Variants in DAAM1 observed in about 807,000 individuals in gnomAD.
DAAM1 encodes the protein dishevelled associated activator of morphogenesis 1.
Under a neutral mutation model 130.0 loss-of-function variants are expected in DAAM1, and 52 were observed. The observed-to-expected ratio is 0.40, with a 90% CI of 0.32 to 0.50. The LOEUF is 0.50. DAAM1 is among the 20% of genes least tolerant of loss of function. The pLI is 0.61. For missense variants in DAAM1, 1,134 were observed against 1,303.8 expected, an observed-to-expected ratio of 0.87 and a Z score of 2.01; for synonymous variants, 452 against 444.5, an observed-to-expected ratio of 1.02 and a Z score of -0.21.
intron 1 of DAAM1, among the ~76,000 whole-genome samples, chr14:59,250,309 C>G (rs919496081): frequency 6.6e-6 from 1 of 152,182 alleles, no homozygotes; most frequent in Non-Finnish European, 1.5e-5. Context: ...CATTCTTCCT[C>G]TCTGTATTTC....
At chr14:59,204,859 C>A (rs531711513) in intron 1 of DAAM1, among the ~76,000 whole-genome samples, 1 of 152,228 alleles carries the variant, frequency 6.6e-6, no homozygotes, top group African/African-American at 2.4e-5. Flanking sequence ...TGGCAAAAAC[C>A]TCTCTCTTAA....
chr14:59,200,827 A>G (rs1273148129), intron 1 of DAAM1, among the ~76,000 whole-genome samples: 2 of 152,162 alleles, frequency 1.3e-5, no homozygotes, highest in Non-Finnish European at 2.9e-5. Context: ...ATGCTGACTC[A>G]GTAGATGTGG....
rs1049819226 is a variant in DAAM1, at chr14:59,298,550, T to C, written c.273+7244T>C. On this transcript the variant is annotated intron_variant, in intron 3 of 24. Coordinates refer to ENST00000360909, the MANE Select transcript of DAAM1 (RefSeq NM_001270520.2). ...ATTGTCCTTGCATTCCTAAATGCTATAATCTCAAAGCTAGTGATCCATTTC... is the reference window on the plus strand; with the variant it reads ...ATTGTCCTTGCATTCCTAAATGCTACAATCTCAAAGCTAGTGATCCATTTC... Among the ~76,000 whole-genome samples the C allele has an allele frequency of 2.0e-5, 3 of 152,378 alleles. No homozygotes were observed. The East Asian group carries it at 5.8e-4, about 29-fold the overall frequency.
intron 8 of DAAM1, among the ~76,000 whole-genome samples, 200 bp from the exon 9 acceptor site, chr14:59,325,464 C>T (rs974985031): frequency 6.6e-6 from 1 of 152,118 alleles, no homozygotes; most frequent in Non-Finnish European, 1.5e-5. Context: ...AAATTTTTCT[C>T]ATATTGTGAT....
In DAAM1 at chr14:59,359,501, T is replaced by C; in HGVS notation, c.2630T>C (p.Val877Ala). ...ELRDIPQAAK[V>A]NMTELDKEIS... ...CGAGATATTCCTCAAGCTGCGAAAG[T>C]AAAGTAAGTACTTACAGTGAGTGTT... Residue 877 changes from valine (V) to alanine (A), a missense_variant, in exon 21 of 25, where the codon GTA becomes GCA. Transcript: ENST00000360909. 5.0e-6 allele frequency: 8 copies of C among 1,610,010 alleles called. No homozygotes were observed. The highest frequency in any genetic ancestry group is 6.8e-6 in the Non-Finnish European group (8 of 1,176,422).
chr14:59,197,433 C>T (rs1029833602), intron 1 of DAAM1, among the ~76,000 whole-genome samples: 2 of 152,160 alleles, frequency 1.3e-5, no homozygotes, highest in Non-Finnish European at 1.5e-5. Flanking sequence ...GGAATTGAAG[C>T]CAATGGCTGA....
intron 1 of DAAM1, among the ~76,000 whole-genome samples, chr14:59,262,429 GT>G (rs1296546501): frequency 6.6e-6 from 1 of 152,118 alleles, no homozygotes. Context: ...TTAAAAACAT[GT>G]TTTTGTGGTG....
At chr14:59,332,332 C>G (rs561541765) in intron 15 of DAAM1, among the ~76,000 whole-genome samples, 39 of 152,272 alleles carry the variant, frequency 2.6e-4, no homozygotes, top group Admixed American at 2.4e-3. Flanking sequence ...CCATTTGAAG[C>G]AGAATTCTTT....
chr14:59,195,808 C>A (rs923772404), intron 1 of DAAM1, among the ~76,000 whole-genome samples: 2 of 151,966 alleles, frequency 1.3e-5, no homozygotes, highest in African/African-American at 4.8e-5. Context: ...CAAACCAGGT[C>A]AAGGGCATGG....
intron 16 of DAAM1, among the ~76,000 whole-genome samples, chr14:59,346,496 G>A (rs1334084519): frequency 6.6e-6 from 1 of 152,140 alleles, no homozygotes; most frequent in African/African-American, 2.4e-5. Flanking sequence ...ACCAGGCATG[G>A]TGACTCATGC....
Position 59,315,315 on chromosome 14 carries a change from T to G in DAAM1, c.309T>G (p.Pro103=). Residue 103 remains proline, a synonymous_variant, in exon 4 of 25, where the codon CCT becomes CCG. Coordinates refer to ENST00000360909, the MANE Select transcript of DAAM1 (RefSeq NM_001270520.2). The part of the protein sequence containing the change: ...QEENKGATSW[P]EFYIDQLNSM... ...AAAACAAGGGAGCTACAAGTTGGCC[T>G]GAATTCTACATTGATCAGCTCAATT... 6.2e-7 allele frequency: 1 copy of G among 1,614,058 alleles called. No homozygotes were observed. The highest frequency in any genetic ancestry group is 8.5e-7 in the Non-Finnish European group (1 of 1,179,952).
chr14:59,280,426 C>A (rs901887187), intron 2 of DAAM1, among the ~76,000 whole-genome samples: 1 of 152,010 alleles, frequency 6.6e-6, no homozygotes, highest in Non-Finnish European at 1.5e-5. Context: ...CAGAGAGAGA[C>A]CCTATCTCTA....
rs10137779 is a variant in DAAM1 at position 59,214,482 on chromosome 14, G to A, written c.-38+25714G>A. Among the ~76,000 whole-genome samples, 352 of 152,290 alleles carry A rather than the reference G, an allele frequency of 2.3e-3. 1 individual carries two copies. The highest frequency in any genetic ancestry group is 8.0e-3 in the African/African-American group (334 of 41,556). ...CACTTTAGGCAATAGTTTCAACTTC[G>A]TTTCTTCCCATGTAGTTTGACAGAT... is the stretch of plus-strand genomic sequence containing the variant. On this transcript the variant is annotated intron_variant, in intron 1 of 24. Coordinates refer to ENST00000360909, the MANE Select transcript of DAAM1 (RefSeq NM_001270520.2).
intron 1 of DAAM1, among the ~76,000 whole-genome samples, chr14:59,204,964 C>G (rs1450450082): frequency 6.6e-6 from 1 of 152,208 alleles, no homozygotes; most frequent in Non-Finnish European, 1.5e-5. Context: ...AATGATCCCC[C>G]CATCAGATTT....
intron 2 of DAAM1, among the ~76,000 whole-genome samples, chr14:59,280,535 C>CTTTTTTTTTTTTTT (rs35354608): frequency 9.2e-4 from 83 of 90,636 alleles, no homozygotes; most frequent in Non-Finnish European, 1.1e-3. Context: ...GCACACCTTC[C>CTTTTTTTTTTTTTT]TTTTTTTTTT....
chr14:59,192,146 A>AGGG (rs1232168381), intron 1 of DAAM1, among the ~76,000 whole-genome samples: 2 of 97,524 alleles, frequency 2.1e-5, no homozygotes, highest in African/African-American at 8.4e-5. Context: ...CTGCTTGTTA[A>AGGG]GGGGTGTGTG....
intron 1 of DAAM1, among the ~76,000 whole-genome samples, chr14:59,217,297 G>A (rs1888613361): frequency 6.6e-6 from 1 of 152,104 alleles, no homozygotes; most frequent in African/African-American, 2.4e-5. Context: ...AATTTATCAA[G>A]CACCATCACC....
intron 1 of DAAM1, among the ~76,000 whole-genome samples, chr14:59,217,575 GC>G (rs1888624463): frequency 6.6e-6 from 1 of 152,152 alleles, no homozygotes; most frequent in Non-Finnish European, 1.5e-5. Context: ...GGTGGCTCAT[GC>G]CTGTAATCTC....
chr14:59,324,159 G>T lies in DAAM1; in HGVS notation c.806G>T (p.Gly269Val). 1 of 1,442,548 alleles carries T rather than the reference G, an allele frequency of 6.9e-7. No homozygotes were observed. The highest frequency in any genetic ancestry group is 9.2e-7 in the Non-Finnish European group (1 of 1,090,026). The allele number at this position is 1,442,548 out of a possible 1,614,324, so 89.4% of individuals were successfully genotyped here. The part of the protein sequence containing the change: ...TLINDLDKST[G>V]RYRDEVSLKT... ...ATTAACGACTTGGATAAAAGCACTGGGCGGTATCGAGATGAAGTGAGTCTC... is the reference window on the plus strand; with the variant it reads ...ATTAACGACTTGGATAAAAGCACTGTGCGGTATCGAGATGAAGTGAGTCTC... Residue 269 changes from glycine to valine, a missense_variant, in exon 7 of 25, where the codon GGG becomes GTG. Gly to Val is a moderately radical substitution (Grantham distance 109). This residue lies in a region of DAAM1 where 391 missense variants were observed against 521.6 expected (regional missense o/e 0.75). Transcript: ENST00000360909.
Sources: gnomAD v4.1 joint callset for allele counts (sites outside exome capture counted in the v4.1 genomes callset) on GRCh38, gnomAD v4.1.1 for gene constraint, gnomAD v4.1.1 regional missense constraint, MANE v1.5 for transcripts, NCBI Gene and HGNC (gene_info 2026-07-23, HGNC 2026-07-21) for gene names.